The following TMEM38B variants were observed in gnomAD, a reference collection of about 807,000 sequenced individuals.
TMEM38B encodes trimeric intracellular cation channel type B.
TMEM38B carries 24 observed loss-of-function variants against 28.7 expected under a neutral mutation model. The ratio of observed to expected loss-of-function variants is 0.84; its 90% CI spans 0.61 to 1.18. The LOEUF (loss-of-function observed/expected upper bound fraction) is 1.18. TMEM38B is among the 50% of genes most tolerant of loss of function. The probability of loss-of-function intolerance (pLI) is 0.00; values close to 1 mark genes in which losing one functional copy is unlikely to be tolerated. For missense variants in TMEM38B, 380 were observed against 350.9 expected (o/e 1.08, Z -0.66); for synonymous variants, 131 against 127.7 (o/e 1.03, Z -0.17).
intron 4 of TMEM38B, among the ~76,000 whole-genome samples, chr9:105,744,536 T>TTCTTAGGAA (rs1837317035): frequency 1.3e-5 from 2 of 152,158 alleles, no homozygotes; most frequent in African/African-American, 4.8e-5. Flanking sequence ...AAAAGATATT[T>TTCTTAGGAA]ATTGACTGTT....
intron 2 of TMEM38B, among the ~76,000 whole-genome samples, chr9:105,713,338 G>A (rs965122761): frequency 1.3e-5 from 2 of 152,218 alleles, no homozygotes; most frequent in Admixed American, 1.3e-4. Context: ...TGGGGTCTGG[G>A]AAGGGCCCCC....
chr9:105,699,842 G>T (rs185156102), intron 1 of TMEM38B, among the ~76,000 whole-genome samples: 6 of 151,966 alleles, frequency 3.9e-5, no homozygotes, highest in Admixed American at 2.6e-4. Flanking sequence ...AGTTTTTTTT[G>T]TTTGTTTGTT....
At chr9:105,710,785 G>T in intron 2 of TMEM38B, 1 of 503,548 alleles carries the variant, frequency 2.0e-6, no homozygotes. Flanking sequence ...GGGACATGAA[G>T]GCTGCGTGTC....
chr9:105,750,977 A>G (rs559379436), intron 5 of TMEM38B, among the ~76,000 whole-genome samples: 36 of 152,334 alleles, frequency 2.4e-4, no homozygotes, highest in Non-Finnish European at 3.7e-4. Context: ...TAGATTCTCA[A>G]TTTTATTCCA....
chr9:105,749,297 G>A (rs1837555849), intron 5 of TMEM38B: 1 of 228,030 alleles, frequency 4.4e-6, no homozygotes, highest in Non-Finnish European at 8.2e-6. Flanking sequence ...AGAAGTTTAA[G>A]GGACTCACAT....
In TMEM38B at chr9:105,743,989, A is replaced by G. The variant is rs1439626709; in HGVS notation, c.543-4084A>G. 5.9e-5 allele frequency among the ~76,000 whole-genome samples: 9 copies of G among 152,146 alleles called. No homozygotes were observed. The East Asian group carries it at 1.7e-3, about 29-fold the overall frequency. ...TATGTATGGTTATTCTAAAATCTAT[A>G]GTTTATGATGTGAAGAAAGGTATTT... On this transcript the variant is annotated intron_variant, in intron 4 of 5. Coordinates refer to ENST00000374692, the MANE Select transcript of TMEM38B (RefSeq NM_018112.3).
intron 5 of TMEM38B, among the ~76,000 whole-genome samples, chr9:105,765,316 A>G (rs1027247294): frequency 6.6e-6 from 1 of 152,250 alleles, no homozygotes; most frequent in African/African-American, 2.4e-5. Context: ...AATTTTTAAA[A>G]GTCAACTTTT....
chr9:105,769,467 C>T (rs1826475692), intron 5 of TMEM38B, among the ~76,000 whole-genome samples: 2 of 152,126 alleles, frequency 1.3e-5, no homozygotes, highest in Admixed American at 6.6e-5. Flanking sequence ...AGGTGTGTGC[C>T]ACCATGCCTG....
At position 105,742,014 on chromosome 9, in the gene TMEM38B, G is replaced by C. The variant is rs79909865; in HGVS notation, c.543-6059G>C. ...ATCTGTGGAAGACTCTCTTTGCCTAGTGACATGGATTGCTGTGCATACACA... is the reference window on the plus strand; with the variant it reads ...ATCTGTGGAAGACTCTCTTTGCCTACTGACATGGATTGCTGTGCATACACA... On this transcript the variant is annotated intron_variant, in intron 4 of 5. Coordinates refer to ENST00000374692, the MANE Select transcript of TMEM38B (RefSeq NM_018112.3). Among the ~76,000 whole-genome samples, 273 of 152,316 alleles carry C rather than the reference G, an allele frequency of 1.8e-3. 2 individuals are homozygous for C. Among genetic ancestry groups the C allele is most frequent in the East Asian group, 0.014 (75 of 5,186 alleles).
intron 4 of TMEM38B, among the ~76,000 whole-genome samples, chr9:105,723,416 T>C (rs1005856991): frequency 6.6e-6 from 1 of 151,986 alleles, no homozygotes; most frequent in Non-Finnish European, 1.5e-5. Context: ...GTATTTTTTT[T>C]TTTTTTTTGA....
At chr9:105,701,010 G>A (rs982730979) in intron 1 of TMEM38B, 1 of 151,996 alleles carries the variant, frequency 6.6e-6, no homozygotes, top group African/African-American at 2.4e-5. Context: ...AGGGGTCTCA[G>A]TCTGGGCTCT....
rs113025004 is a variant in TMEM38B at position 105,741,888 on chromosome 9, G to A, written c.543-6185G>A. Among the ~76,000 whole-genome samples, 665 of 152,268 alleles carry A rather than the reference G, an allele frequency of 4.4e-3. 4 individuals are homozygous for A. Among genetic ancestry groups the A allele is most frequent in the Non-Finnish European group, 7.7e-3 (522 of 68,018 alleles). On this transcript the variant is annotated intron_variant, in intron 4 of 5. Coordinates refer to ENST00000374692, the MANE Select transcript of TMEM38B (RefSeq NM_018112.3). ...CTGGAGAGAAGTGAGGGTGTGACTG[G>A]TCAACTTTTCCTAGTGTTGAAGGGA...
rs151315672 is a variant in TMEM38B at position 105,723,277 on chromosome 9, G to A, written c.542+656G>A. On this transcript the variant is annotated intron_variant, in intron 4 of 5. Coordinates refer to ENST00000374692, the MANE Select transcript of TMEM38B (RefSeq NM_018112.3). The stretch of plus-strand genomic sequence containing the variant: ...GATTCTGTTGTTCAGGCTTTAGTGC[G>A]ATGGTGTAGTCATAGCTCACTGCAG... Among the ~76,000 whole-genome samples, 37 of 152,202 alleles carry A rather than the reference G, an allele frequency of 2.4e-4. No homozygotes were observed. In the East Asian group the frequency reaches 5.6e-3, roughly 23 times the overall value.
chr9:105,705,085 G>T (rs993944428), intron 1 of TMEM38B, among the ~76,000 whole-genome samples: 10 of 152,290 alleles, frequency 6.6e-5, no homozygotes, highest in Non-Finnish European at 1.3e-4. Flanking sequence ...TAAGACTCGT[G>T]TTGAGGTAGT....
chr9:105,701,183 A>G (rs1835449864), intron 1 of TMEM38B: 1 of 152,172 alleles, frequency 6.6e-6, no homozygotes, highest in South Asian at 2.1e-4. Context: ...GTTCTATTTA[A>G]ATAATGGTAT....
chr9:105,734,235 A>G (rs534744460), intron 4 of TMEM38B, among the ~76,000 whole-genome samples: 1 of 151,974 alleles, frequency 6.6e-6, no homozygotes, highest in Admixed American at 6.6e-5. Flanking sequence ...TAATTTTCAC[A>G]TATTTTTGAA....
chr9:105,719,424 C>G (rs1836239631), intron 2 of TMEM38B, among the ~76,000 whole-genome samples: 1 of 152,048 alleles, frequency 6.6e-6, no homozygotes, highest in Non-Finnish European at 1.5e-5. Flanking sequence ...AGGTTATTAC[C>G]TAATAAGTGT....
intron 3 of TMEM38B, among the ~76,000 whole-genome samples, chr9:105,722,288 A>T (rs1379600967): frequency 6.6e-6 from 1 of 152,186 alleles, no homozygotes; most frequent in Admixed American, 6.5e-5. Context: ...CAGTTCTGAA[A>T]CAAACTTCTA....
chr9:105,774,626 CAT>C lies in TMEM38B; in HGVS notation c.*549_*550del, dbSNP rs761196405. The C allele has an allele frequency of 6.6e-6, 1 of 151,596 alleles. No individual in the cohort carries two copies. Among genetic ancestry groups the C allele is most frequent in the African/African-American group, 2.4e-5 (1 of 41,322 alleles). 9.4% of individuals were successfully genotyped at this position (151,596 alleles called of 1,614,324 possible). A position where few individuals can be genotyped will look rare whatever the true frequency, so the allele number is the denominator to read the frequency against. On this transcript the variant is annotated 3_prime_UTR_variant, in exon 6 of 6. Coordinates refer to ENST00000374692, the MANE Select transcript of TMEM38B (RefSeq NM_018112.3). The stretch of plus-strand genomic sequence containing the variant: ...TAGTTTATATTTTAGATATAAACAT[CAT>C]ATTTTTTATTAATACCTACATCAAA...
Sources: gnomAD v4.1 joint callset for allele counts (sites outside exome capture counted in the v4.1 genomes callset) on GRCh38, gnomAD v4.1.1 for gene constraint, MANE v1.5 for transcripts, NCBI Gene and HGNC (gene_info 2026-07-23, HGNC 2026-07-21) for gene names.